LRRC37A2: variants seen among roughly 807,000 people sequenced by gnomAD.
LRRC37A2 encodes leucine-rich repeat-containing protein 37A2.
In LRRC37A2, 9 loss-of-function variants were observed where a neutral mutation model predicts 68.8. That is an observed-to-expected ratio of 0.13 (90% CI 0.08 to 0.23). The LOEUF (loss-of-function observed/expected upper bound fraction) is 0.23. Among genes scored for constraint, LRRC37A2 ranks in the 10% least tolerant of loss-of-function variants. LRRC37A2 has a pLI of 1.00. For synonymous variants in LRRC37A2, 63 were observed against 367.6 expected, an observed-to-expected ratio of 0.17 and a Z score of 9.48; for missense variants, 168 against 950.4, an observed-to-expected ratio of 0.18 and a Z score of 10.82.
chr17:46,824,899 C>A, the LRRC37A2 span, among the ~76,000 whole-genome samples: 1 of 152,238 alleles, frequency 6.6e-6, no homozygotes, highest in African/African-American at 2.4e-5. Flanking sequence ...TTTCATAGGA[C>A]CCTGTGCTGC....
the LRRC37A2 span, among the ~76,000 whole-genome samples, chr17:47,020,821 G>C: frequency 8.5e-6 from 1 of 117,604 alleles, no homozygotes; most frequent in Non-Finnish European, 1.8e-5. Flanking sequence ...AGGGAAGAAA[G>C]AGAATAGGCA....
the LRRC37A2 span, among the ~76,000 whole-genome samples, chr17:46,825,318 C>T: frequency 5.3e-5 from 8 of 152,340 alleles, no homozygotes; most frequent in East Asian, 1.9e-4. Flanking sequence ...GCCCTGGTTG[C>T]AACCCAGGAG....
At chr17:46,811,594 C>T in the LRRC37A2 span, among the ~76,000 whole-genome samples, 1 of 152,134 alleles carries the variant, frequency 6.6e-6, no homozygotes, top group Non-Finnish European at 1.5e-5. Context: ...AACCTGCAGG[C>T]AGGCCCTCCC....
the LRRC37A2 span, among the ~76,000 whole-genome samples, chr17:46,943,164 TC>T: frequency 1.3e-5 from 2 of 151,914 alleles, no homozygotes; most frequent in African/African-American, 4.8e-5. Context: ...CCCATGCACT[TC>T]CCCTGGCCGC....
At chr17:46,614,292 ATTGT>A in the LRRC37A2 span, among the ~76,000 whole-genome samples, 1 of 137,058 alleles carries the variant, frequency 7.3e-6, no homozygotes, top group Non-Finnish European at 1.5e-5. Flanking sequence ...TAGACTCTTG[ATTGT>A]TTATGTGTGC....
the LRRC37A2 span, among the ~76,000 whole-genome samples, chr17:46,494,156 G>A: frequency 2.0e-5 from 3 of 151,102 alleles, no homozygotes; most frequent in East Asian, 1.9e-4. Flanking sequence ...ATTTCTTACT[G>A]TTGGGTAGTA....
At chr17:47,022,465 C>A in the LRRC37A2 span, among the ~76,000 whole-genome samples, 1 of 151,372 alleles carries the variant, frequency 6.6e-6, no homozygotes, top group African/African-American at 2.4e-5. Context: ...CCACCACCCG[C>A]AGCCCATGAT....
chr17:46,759,030 C>T, the LRRC37A2 span, among the ~76,000 whole-genome samples: 1 of 152,136 alleles, frequency 6.6e-6, no homozygotes, highest in Non-Finnish European at 1.5e-5. Flanking sequence ...CGTGGTGAAA[C>T]ACCGTCTCTA....
the LRRC37A2 span, chr17:46,714,085 G>A: frequency 7.8e-7 from 1 of 1,280,302 alleles, no homozygotes; most frequent in Non-Finnish European, 1.0e-6. Context: ...TAAACCCATA[G>A]CAACTATGTT....
the LRRC37A2 span, among the ~76,000 whole-genome samples, chr17:46,671,966 T>A: frequency 1.4e-5 from 2 of 141,826 alleles, 1 homozygote; most frequent in Non-Finnish European, 3.2e-5. Flanking sequence ...CAAATAATTT[T>A]TTAAAATCCT....
chr17:46,984,341 G>T, the LRRC37A2 span, among the ~76,000 whole-genome samples: 1 of 152,068 alleles, frequency 6.6e-6, no homozygotes, highest in Non-Finnish European at 1.5e-5. Flanking sequence ...GGGTGGGAGT[G>T]CTTCGTTGTT....
chr17:46,925,663 A>G, the LRRC37A2 span, among the ~76,000 whole-genome samples: 12 of 152,316 alleles, frequency 7.9e-5, no homozygotes, highest in African/African-American at 2.4e-4. Context: ...AACTTTCGCA[A>G]CTGCAGAAAT....
chr17:46,926,854 A>G, the LRRC37A2 span, among the ~76,000 whole-genome samples: 31 of 152,356 alleles, frequency 2.0e-4, no homozygotes, highest in South Asian at 4.1e-4. Flanking sequence ...CCTGTACAAA[A>G]GTGCTTTGAT....
chr17:46,665,947 ATCTAGCGT>A, the LRRC37A2 span, among the ~76,000 whole-genome samples: 3 of 133,188 alleles, frequency 2.3e-5, no homozygotes, highest in East Asian at 6.3e-4. Context: ...GGCTATGTTG[ATCTAGCGT>A]TGCAAAAACA....
the LRRC37A2 span, among the ~76,000 whole-genome samples, chr17:46,820,677 A>G: frequency 6.6e-6 from 1 of 152,130 alleles, no homozygotes; most frequent in African/African-American, 2.4e-5. Flanking sequence ...GAGCCTCAGG[A>G]CCAAGGCTCT....
the LRRC37A2 span, among the ~76,000 whole-genome samples, chr17:46,735,233 A>C: frequency 2.6e-5 from 4 of 152,170 alleles, no homozygotes. Flanking sequence ...TGATAACTCA[A>C]AATTAAATAT....
chr17:46,456,150 A>G, the LRRC37A2 span, among the ~76,000 whole-genome samples: 55 of 107,550 alleles, frequency 5.1e-4, no homozygotes, highest in African/African-American at 1.6e-3. Flanking sequence ...AGCTCCATCC[A>G]TGTTGTAGCA....
chr17:46,739,634 C>T, the LRRC37A2 span, among the ~76,000 whole-genome samples: 1 of 151,710 alleles, frequency 6.6e-6, no homozygotes. Flanking sequence ...GGGCCCCTTC[C>T]TCTACTAAAA....
At chr17:46,991,835 T>G in the LRRC37A2 span, among the ~76,000 whole-genome samples, 11 of 152,376 alleles carry the variant, frequency 7.2e-5, no homozygotes, top group African/African-American at 2.6e-4. Flanking sequence ...TGCATTCATG[T>G]ACACATGATC....
Sources: allele counts gnomAD v4.1 joint callset (sites outside exome capture counted in the v4.1 genomes callset), GRCh38; gene constraint gnomAD v4.1.1; transcripts MANE v1.5; gene names NCBI Gene and HGNC (gene_info 2026-07-23, HGNC 2026-07-21).